ZNF185: variants seen among roughly 807,000 people sequenced by gnomAD.
ZNF185 encodes zinc finger protein 185.
A neutral mutation model predicts 58.6 loss-of-function variants in ZNF185; 56 were observed. The observed-to-expected ratio is 0.95, with a 90% confidence interval of 0.77 to 1.19. ZNF185 has a LOEUF of 1.19. Ranked by LOEUF, ZNF185 falls within the 50% of genes most tolerant of loss-of-function variation. The pLI is 0.00. For synonymous variants in ZNF185, 230 were observed against 215.9 expected (o/e 1.07, Z -0.57); for missense variants, 627 against 573.5 (o/e 1.09, Z -0.95).
intron 16 of ZNF185, among the ~76,000 whole-genome samples, chrX:152,949,477 GC>G (rs2048088101): frequency 8.9e-6 from 1 of 112,436 alleles, no homozygotes; most frequent in African/African-American, 3.2e-5. Context: ...CTGGTCACTG[GC>G]ATGGCATCTC....
At chrX:152,927,829 G>A (rs868983614) in intron 11 of ZNF185, among the ~76,000 whole-genome samples, 8 of 84,668 alleles carry the variant, frequency 9.4e-5, no homozygotes, top group African/African-American at 3.6e-4. Flanking sequence ...CAGGGACAAA[G>A]GCAGGAGTGA....
At chrX:152,917,962 G>A in intron 5 of ZNF185, 103 bp from the exon 7 acceptor site, 1 of 1,136,748 alleles carries the variant, frequency 8.8e-7, no homozygotes, top group Non-Finnish European at 1.2e-6. Flanking sequence ...AAGGCTCCCA[G>A]GCAGCTCCTG....
intron 17 of ZNF185, among the ~76,000 whole-genome samples, chrX:152,961,904 A>T (rs5925264): frequency 0.29 from 31,956 of 110,756 alleles, 3,315 homozygotes; most frequent in South Asian, 0.38. Context: ...CCAGACAGAG[A>T]TCAGAGCCTG....
exon 23 of ZNF185, chrX:152,973,185 G>T (rs781817973): frequency 8.9e-6 from 1 of 112,062 alleles, no homozygotes; most frequent in East Asian, 2.8e-4. Context: ...ACCAGTGGAT[G>T]AAAGGCAAGG....
chrX:152,904,890 G>C, the ZNF185 span, among the ~76,000 whole-genome samples: 1 of 112,258 alleles, frequency 8.9e-6, no homozygotes, highest in East Asian at 2.8e-4. Context: ...CCAGGTGCAG[G>C]GGCCAGGGAG....
At chrX:152,901,622 T>G in the ZNF185 span, among the ~76,000 whole-genome samples, 5 of 111,481 alleles carry the variant, frequency 4.5e-5, no homozygotes, top group South Asian at 1.9e-3. Context: ...GTCAGTTCAT[T>G]TTTCCAAAGG....
Position 152,967,250 on chromosome X carries a change from T to G in ZNF185, c.1871+12T>G. 1 of 1,205,558 alleles carries G rather than the reference T, an allele frequency of 8.3e-7. No homozygotes were observed. The highest frequency in any genetic ancestry group is 3.0e-5 in the East Asian group (1 of 33,816). Reference sequence around the variant, plus strand: ...CCATACTCTGAGAGGTATGTTGACTTTCTTAGCACGGAGCTTGCACTTCTA... The same window carrying G: ...CCATACTCTGAGAGGTATGTTGACTGTCTTAGCACGGAGCTTGCACTTCTA... On this transcript the variant is annotated intron_variant, in intron 20 of 22. Transcript: ENST00000449285.
chrX:152,909,068 C>T, the ZNF185 span, among the ~76,000 whole-genome samples: 1 of 112,965 alleles, frequency 8.9e-6, no homozygotes, highest in African/African-American at 3.2e-5. Context: ...GACCTGGGTG[C>T]AGCCCTGGGG....
chrX:152,951,085 A>ATTTT (rs57205058), intron 16 of ZNF185, among the ~76,000 whole-genome samples: 16,622 of 92,014 alleles, frequency 0.18, 1,560 homozygotes, highest in South Asian at 0.27. Context: ...ATGATCAAGA[A>ATTTT]TTTTTTTTTT....
chrX:152,949,121 A>C (rs1313027494), intron 16 of ZNF185, among the ~76,000 whole-genome samples: 2 of 110,303 alleles, frequency 1.8e-5, no homozygotes, highest in Non-Finnish European at 3.8e-5. Flanking sequence ...TTTCTGGTCG[A>C]GTGAGTGGAG....
the ZNF185 span, among the ~76,000 whole-genome samples, chrX:152,904,851 G>T: frequency 8.9e-6 from 1 of 112,131 alleles, no homozygotes; most frequent in Non-Finnish European, 1.9e-5. Context: ...CGGAGGGGCT[G>T]CACTGAAGCC....
At chrX:152,910,960 C>T (rs924050643), upstream of ZNF185, among the ~76,000 whole-genome samples, 1 of 112,038 alleles carries the variant, frequency 8.9e-6, no homozygotes, top group African/African-American at 3.3e-5. Flanking sequence ...GACGGTGGAT[C>T]TGGGAGGAGA....
At chrX:152,946,625 G>A (rs908749533) in intron 16 of ZNF185, among the ~76,000 whole-genome samples, 3 of 111,637 alleles carry the variant, frequency 2.7e-5, no homozygotes, top group African/African-American at 9.8e-5. Flanking sequence ...TTTTGTTTTC[G>A]TTTTGCGGGG....
At chrX:152,908,905 G>A in the ZNF185 span, among the ~76,000 whole-genome samples, 1 of 113,580 alleles carries the variant, frequency 8.8e-6, no homozygotes, top group Non-Finnish European at 1.9e-5. Flanking sequence ...GATCCCAGGA[G>A]TGTGCATGCA....
At chrX:152,936,831 C>G (rs1315266620) in intron 14 of ZNF185, among the ~76,000 whole-genome samples, 2 of 110,263 alleles carry the variant, frequency 1.8e-5, no homozygotes, top group African/African-American at 6.6e-5. Context: ...CTCAGAGAAC[C>G]TCTGCTGTAG....
chrX:152,932,214 G>T (rs1352144137), intron 13 of ZNF185, among the ~76,000 whole-genome samples: 1 of 112,656 alleles, frequency 8.9e-6, no homozygotes, highest in African/African-American at 3.2e-5. Context: ...ACCAAAGTAT[G>T]TGGGCCCCCA....
chrX:152,943,476 T>C (rs1192752013), intron 15 of ZNF185, among the ~76,000 whole-genome samples: 2 of 112,220 alleles, frequency 1.8e-5, no homozygotes, highest in African/African-American at 6.5e-5. Flanking sequence ...ACCTTGCCTA[T>C]CTCTAACCAC....
At chrX:152,961,432 G>C (rs2049457128) in intron 17 of ZNF185, among the ~76,000 whole-genome samples, 1 of 112,233 alleles carries the variant, frequency 8.9e-6, no homozygotes, top group South Asian at 3.7e-4. Context: ...GAGGCCAGAG[G>C]TCCTTGCTTT....
upstream of ZNF185, among the ~76,000 whole-genome samples, chrX:152,909,817 C>T (rs1484588001): frequency 2.7e-5 from 3 of 111,636 alleles, no homozygotes; most frequent in Admixed American, 2.8e-4. Flanking sequence ...ATTTCCTCCT[C>T]GGAGTGAGCA....
Sources: allele counts gnomAD v4.1 joint callset (sites outside exome capture counted in the v4.1 genomes callset), GRCh38; gene constraint gnomAD v4.1.1; transcripts MANE v1.5; gene names NCBI Gene and HGNC (gene_info 2026-07-23, HGNC 2026-07-21).